The following KCNN2 variants were observed in gnomAD, a reference collection of about 807,000 sequenced individuals.
KCNN2 encodes potassium calcium-activated channel subfamily N member 2, also known as small conductance calcium-activated potassium channel protein 2.
A neutral mutation model predicts 55.5 loss-of-function variants in KCNN2; 24 were observed. The observed-to-expected ratio is 0.43, with a 90% CI of 0.31 to 0.61. KCNN2 has a LOEUF of 0.61. KCNN2 is among the 20% of genes least tolerant of loss of function. The pLI is 0.08. For synonymous variants in KCNN2, 431 were observed against 336.1 expected (o/e 1.28, Z -3.09); for missense variants, 754 against 853.6 (o/e 0.88, Z 1.45).
intron 2 of KCNN2, among the ~76,000 whole-genome samples, chr5:114,262,622 G>C (rs773897251): frequency 1.3e-5 from 2 of 152,184 alleles, no homozygotes; most frequent in Non-Finnish European, 2.9e-5. Flanking sequence ...CTACTTCATA[G>C]AGTAATTTTA....
chr5:114,495,589 A>G (rs1407008182), intron 7 of KCNN2, among the ~76,000 whole-genome samples: 7 of 152,228 alleles, frequency 4.6e-5, no homozygotes, highest in Non-Finnish European at 1.0e-4. Context: ...TTTAAAATAC[A>G]TATATAAATA....
intron 2 of KCNN2, among the ~76,000 whole-genome samples, chr5:114,312,963 C>T (rs1756434967): frequency 6.6e-6 from 1 of 152,068 alleles, no homozygotes; most frequent in Non-Finnish European, 1.5e-5. Context: ...ACGTTTTTCT[C>T]ATTTGCTGTA....
At position 114,384,032 on chromosome 5, in the gene KCNN2, G is replaced by C. The variant is rs1478215776; in HGVS notation, c.1218+20031G>C. Among the ~76,000 whole-genome samples the C allele has an allele frequency of 5.3e-5, 8 of 152,292 alleles. 1 individual carries two copies. The South Asian group carries it at 1.7e-3, about 32-fold the overall frequency. ...AGTTCTTATTCAGCCAGTGAGTAGC[G>C]AAGTTGAGAATCAAATTCAAATCTG... On this transcript the variant is annotated intron_variant, in intron 2 of 7. Coordinates refer to ENST00000673685, the MANE Select transcript of KCNN2 (RefSeq NM_021614.4).
At chr5:114,364,123 G>A in intron 2 of KCNN2, 122 bp downstream of exon 2, 1 of 705,492 alleles carries the variant, frequency 1.4e-6, no homozygotes, top group Admixed American at 2.3e-5. Context: ...GAAGACACAT[G>A]CTGTATTGTT....
intron 2 of KCNN2, among the ~76,000 whole-genome samples, chr5:114,366,074 G>T (rs1757591145): frequency 6.6e-6 from 1 of 152,128 alleles, no homozygotes; most frequent in Admixed American, 6.5e-5. Context: ...TGTCATATTA[G>T]AACGCTTAAA....
At chr5:114,306,863 G>C (rs1316152757) in intron 2 of KCNN2, among the ~76,000 whole-genome samples, 1 of 151,856 alleles carries the variant, frequency 6.6e-6, no homozygotes, top group Non-Finnish European at 1.5e-5. Flanking sequence ...ATCATTCCCA[G>C]CTAAGTTTTT....
chr5:114,415,464 GGGT>G (rs1759276473), intron 3 of KCNN2, among the ~76,000 whole-genome samples: 1 of 152,158 alleles, frequency 6.6e-6, no homozygotes, highest in Non-Finnish European at 1.5e-5. Flanking sequence ...ATCTGGATAT[GGGT>G]ATATAGCATT....
At chr5:114,060,635 G>A (rs1750306278) in intron 1 of KCNN2, among the ~76,000 whole-genome samples, 1 of 152,214 alleles carries the variant, frequency 6.6e-6, no homozygotes, top group African/African-American at 2.4e-5. Context: ...TAGACCTGCA[G>A]TTCCATTCTG....
chr5:114,384,060 A>T (rs1339137320), intron 2 of KCNN2, among the ~76,000 whole-genome samples: 4 of 152,170 alleles, frequency 2.6e-5, no homozygotes, highest in African/African-American at 9.7e-5. Context: ...CAAATCTGTG[A>T]CTTCAAAGGT....
At chr5:114,081,969 A>C (rs1163874656) in intron 1 of KCNN2, among the ~76,000 whole-genome samples, 1 of 152,170 alleles carries the variant, frequency 6.6e-6, no homozygotes, top group Non-Finnish European at 1.5e-5. Context: ...ATTTCTCCAA[A>C]GAAGATATAA....
At chr5:114,379,811 T>TATATATTTATAGAATATATTATATAAC (rs1452092241) in intron 2 of KCNN2, among the ~76,000 whole-genome samples, 11 of 141,488 alleles carry the variant, frequency 7.8e-5, no homozygotes, top group African/African-American at 2.6e-4. Context: ...TTATATAACA[T>TATATATTTATAGAATATATTATATAAC]ATTATATATT....
chr5:114,083,556 A>G (rs1415153851), intron 1 of KCNN2, among the ~76,000 whole-genome samples: 1 of 152,112 alleles, frequency 6.6e-6, no homozygotes, highest in Non-Finnish European at 1.5e-5. Flanking sequence ...GAAAAATTTT[A>G]GGTTTACAGG....
chr5:114,103,601 C>T (rs926494921), intron 1 of KCNN2, among the ~76,000 whole-genome samples: 5 of 152,096 alleles, frequency 3.3e-5, no homozygotes, highest in African/African-American at 1.2e-4. Flanking sequence ...TACATTTTAT[C>T]AATGCCTAGT....
At chr5:114,410,676 G>A (rs1459698571) in intron 3 of KCNN2, among the ~76,000 whole-genome samples, 1 of 152,050 alleles carries the variant, frequency 6.6e-6, no homozygotes, top group Non-Finnish European at 1.5e-5. Context: ...GGATGGAAAG[G>A]AAAAGAGAGA....
At chr5:114,206,638 G>A (rs1254264687) in intron 1 of KCNN2, among the ~76,000 whole-genome samples, 3 of 152,030 alleles carry the variant, frequency 2.0e-5, no homozygotes, top group Non-Finnish European at 4.4e-5. Context: ...CACTGTGGTG[G>A]TGTCACCTTT....
chr5:114,488,309 C>T (rs1183524208), intron 6 of KCNN2, among the ~76,000 whole-genome samples: 1 of 152,116 alleles, frequency 6.6e-6, no homozygotes, highest in African/African-American at 2.4e-5. Context: ...TTCATTGCTA[C>T]TCATGGTCTT....
chr5:114,476,710 C>T (rs563562241), intron 5 of KCNN2, among the ~76,000 whole-genome samples: 45 of 152,110 alleles, frequency 3.0e-4, no homozygotes, highest in South Asian at 2.7e-3. Flanking sequence ...CGTGAGCCAC[C>T]GCACCTGGCC....
intron 3 of KCNN2, among the ~76,000 whole-genome samples, chr5:114,454,765 C>T (rs1760847065): frequency 6.6e-6 from 1 of 152,176 alleles, no homozygotes; most frequent in Non-Finnish European, 1.5e-5. Flanking sequence ...CGTGCGTATC[C>T]ATCATTCTGT....
intron 1 of KCNN2, among the ~76,000 whole-genome samples, chr5:114,184,152 A>G (rs1028724662): frequency 6.6e-6 from 1 of 152,156 alleles, no homozygotes; most frequent in Non-Finnish European, 1.5e-5. Context: ...AAGTACTGTG[A>G]AAGGCGAAGA....
Sources: gnomAD v4.1 joint callset for allele counts (sites outside exome capture counted in the v4.1 genomes callset) on GRCh38, gnomAD v4.1.1 for gene constraint, MANE v1.5 for transcripts, NCBI Gene and HGNC (gene_info 2026-07-23, HGNC 2026-07-21) for gene names.